SH3BP5: variants seen among roughly 807,000 people sequenced by gnomAD.
SH3BP5 encodes SH3 domain binding protein 5, also known as SH3 domain-binding protein 5.
A neutral mutation model predicts 43.3 loss-of-function variants in SH3BP5; 22 were observed. The observed-to-expected ratio is 0.51, with a 90% CI of 0.36 to 0.73. The LOEUF is 0.73. Among genes scored for constraint, SH3BP5 ranks in the 30% least tolerant of loss-of-function variants. The pLI is 0.00. For synonymous variants in SH3BP5, 255 were observed against 225.8 expected, an observed-to-expected ratio of 1.13 and a Z score of -1.16; for missense variants, 529 against 586.9, an observed-to-expected ratio of 0.90 and a Z score of 1.02.
chr3:15,300,012 C>T (rs1028503236), intron 3 of SH3BP5, among the ~76,000 whole-genome samples: 15 of 152,090 alleles, frequency 9.9e-5, no homozygotes, highest in African/African-American at 3.4e-4. Flanking sequence ...TGCTCCATCA[C>T]CCCCCCAAAT....
chr3:15,258,219 T>TG (rs1397716253), intron 7 of SH3BP5: 3 of 152,216 alleles, frequency 2.0e-5, no homozygotes, highest in African/African-American at 7.2e-5. Context: ...AAGACAGCGT[T>TG]GGGTGGGTTT....
rs62242098 is a variant in SH3BP5 at position 15,293,394 on chromosome 3, G to A, written c.330+10709C>T. Among the ~76,000 whole-genome samples the A allele has an allele frequency of 2.0e-3, 300 of 152,362 alleles. 1 individual carries two copies. Among genetic ancestry groups the A allele is most frequent in the Non-Finnish European group, 3.7e-3 (250 of 68,036 alleles). Reference sequence around the variant, plus strand: ...GGCTCTGCAGAGATAAAGTGACGGGGAAGAAGGAAGGCATGACAAAGCCAC... The same window carrying A: ...GGCTCTGCAGAGATAAAGTGACGGGAAAGAAGGAAGGCATGACAAAGCCAC... On this transcript the variant is annotated intron_variant, in intron 3 of 8. Coordinates refer to ENST00000383791, the MANE Select transcript of SH3BP5 (RefSeq NM_004844.5).
upstream of SH3BP5, among the ~76,000 whole-genome samples, chr3:15,335,564 C>T (rs1290850621): frequency 6.8e-6 from 1 of 146,738 alleles, no homozygotes. Flanking sequence ...AGAGGGAGAC[C>T]CTATCTCAAA....
chr3:15,319,983 A>G (rs1313951214), intron 2 of SH3BP5, among the ~76,000 whole-genome samples: 1 of 152,212 alleles, frequency 6.6e-6, no homozygotes, highest in East Asian at 1.9e-4. Flanking sequence ...TTAGGGAGAA[A>G]CAGTAACCAG....
rs1696323456 is a variant in SH3BP5, at chr3:15,258,870, C to A, written c.850G>T (p.Asp284Tyr). 2 of 1,614,200 alleles carry A rather than the reference C, an allele frequency of 1.2e-6. No homozygotes were observed. The highest frequency in any genetic ancestry group is 2.7e-5 in the African/African-American group (2 of 75,050). ...GAEGSSTSVE[D>Y]LPGSKPEPDA... The stretch of plus-strand genomic sequence containing the variant: ...GGCTCAGGTTTGCTCCCTGGCAGAT[C>A]CTCCACAGATGTGCTGCTGCCCTCA... Residue 284 changes from aspartate (D) to tyrosine (Y), a missense_variant, in exon 7 of 9, where the codon GAT becomes TAT. Transcript: ENST00000383791.
intron 3 of SH3BP5, among the ~76,000 whole-genome samples, chr3:15,289,573 T>G (rs1697356175): frequency 6.6e-6 from 1 of 152,244 alleles, no homozygotes; most frequent in Non-Finnish European, 1.5e-5. Flanking sequence ...GGAATCCTTG[T>G]GTGTTTAGGC....
At chr3:15,291,501 TA>T (rs561726281) in intron 3 of SH3BP5, among the ~76,000 whole-genome samples, 64 of 148,018 alleles carry the variant, frequency 4.3e-4, no homozygotes, top group Admixed American at 8.8e-4. Flanking sequence ...AATTTATACC[TA>T]AAAAAAAAAA....
At chr3:15,298,188 G>A (rs540660561) in intron 3 of SH3BP5, among the ~76,000 whole-genome samples, 5 of 152,000 alleles carry the variant, frequency 3.3e-5, no homozygotes, top group African/African-American at 1.2e-4. Flanking sequence ...GGCTGGCCTC[G>A]AACTCTTGGC....
intron 1 of SH3BP5, chr3:15,332,011 A>C: frequency 2.0e-6 from 1 of 506,944 alleles, no homozygotes. Flanking sequence ...ACCACCAGGC[A>C]CGCTGCACCG....
intron 3 of SH3BP5, among the ~76,000 whole-genome samples, chr3:15,287,442 T>G (rs1225826196): frequency 1.3e-5 from 2 of 152,220 alleles, no homozygotes; most frequent in Admixed American, 1.3e-4. Context: ...GCCTTCATTT[T>G]AATCCAGCAA....
At chr3:15,307,087 A>C (rs1428923332) in intron 2 of SH3BP5, among the ~76,000 whole-genome samples, 4 of 152,064 alleles carry the variant, frequency 2.6e-5, no homozygotes, top group Non-Finnish European at 4.4e-5. Context: ...GGGTTTGAAA[A>C]CGCCGCCGGC....
intron 3 of SH3BP5, among the ~76,000 whole-genome samples, chr3:15,271,220 A>T (rs576588598): frequency 2.1e-3 from 322 of 152,198 alleles, no homozygotes; most frequent in African/African-American, 7.4e-3. Flanking sequence ...TCTGGAAAAA[A>T]TTAAAAAATT....
At chr3:15,295,310 C>T (rs748601686) in intron 3 of SH3BP5, among the ~76,000 whole-genome samples, 7 of 152,200 alleles carry the variant, frequency 4.6e-5, no homozygotes, top group Non-Finnish European at 1.0e-4. Flanking sequence ...GGCCATCCAT[C>T]GACATGCACA....
chr3:15,314,775 C>T (rs924508471), intron 2 of SH3BP5, among the ~76,000 whole-genome samples: 11 of 152,306 alleles, frequency 7.2e-5, no homozygotes, highest in African/African-American at 2.6e-4. Flanking sequence ...TTGGGGAGAA[C>T]TTCAAGATCA....
chr3:15,257,930 T>C (rs9818506), intron 7 of SH3BP5, among the ~76,000 whole-genome samples: 8,044 of 152,274 alleles, frequency 0.053, 486 homozygotes, highest in African/African-American at 0.13. Context: ...GAAAATGGGC[T>C]CAGACCTGAA....
At chr3:15,260,229 T>A (rs961997861) in intron 5 of SH3BP5, 4 of 200,442 alleles carry the variant, frequency 2.0e-5, no homozygotes, top group South Asian at 1.5e-4. Flanking sequence ...TGCTTAAACC[T>A]CCTCCTCTAC....
intron 1 of SH3BP5, 176 bp downstream of exon 1, chr3:15,332,095 C>A (rs1698626391): frequency 1.9e-6 from 2 of 1,027,982 alleles, no homozygotes; most frequent in African/African-American, 3.2e-5. Context: ...GGCACTGTAG[C>A]CTCCTCATTG....
At chr3:15,339,806 G>A (rs1370800494) in intron 1 of SH3BP5, 2 of 151,588 alleles carry the variant, frequency 1.3e-5, no homozygotes, top group African/African-American at 2.4e-5. Flanking sequence ...AGACTAGCAC[G>A]GCCCCTGCAC....
chr3:15,306,752 T>C (rs1697921041), intron 2 of SH3BP5, among the ~76,000 whole-genome samples: 1 of 152,134 alleles, frequency 6.6e-6, no homozygotes, highest in Non-Finnish European at 1.5e-5. Context: ...CACTGTAACC[T>C]CTGCCTCCCG....
Sources: gnomAD v4.1 joint callset for allele counts (sites outside exome capture counted in the v4.1 genomes callset) on GRCh38, gnomAD v4.1.1 for gene constraint, MANE v1.5 for transcripts, NCBI Gene and HGNC (gene_info 2026-07-23, HGNC 2026-07-21) for gene names.